The following DLG2 variants were observed in gnomAD, a reference collection of about 807,000 sequenced individuals.
DLG2 encodes the protein discs large MAGUK scaffold protein 2.
Under a neutral mutation model 132.5 loss-of-function variants are expected in DLG2, and 45 were observed. The observed-to-expected ratio is 0.34, with a 90% CI of 0.27 to 0.44. The LOEUF is 0.44. DLG2 is among the 20% of genes least tolerant of loss of function. The pLI is 1.00. For missense variants in DLG2, 1,045 were observed against 1,196.9 expected, an observed-to-expected ratio of 0.87 and a Z score of 1.87; for synonymous variants, 424 against 419.6, an observed-to-expected ratio of 1.01 and a Z score of -0.13.
intron 19 of DLG2, among the ~76,000 whole-genome samples, chr11:83,564,776 C>T (rs112538298): frequency 0.01 from 1,528 of 152,262 alleles, 20 homozygotes; most frequent in African/African-American, 0.035. Flanking sequence ...AATGCCTCCC[C>T]ATTCGTCATC....
At chr11:85,241,385 T>C (rs2075870595) in intron 4 of DLG2, among the ~76,000 whole-genome samples, 1 of 151,944 alleles carries the variant, frequency 6.6e-6, no homozygotes, top group Non-Finnish European at 1.5e-5. Context: ...TAATTTCTTT[T>C]TTCTTGTTTT....
chr11:84,587,214 T>C (rs372846287), intron 6 of DLG2, among the ~76,000 whole-genome samples: 12 of 152,280 alleles, frequency 7.9e-5, no homozygotes, highest in East Asian at 7.7e-4. Context: ...AGCCAGAAAA[T>C]CCCAAATTTA....
intron 11 of DLG2, among the ~76,000 whole-genome samples, chr11:84,038,691 T>C (rs1168730978): frequency 6.6e-6 from 1 of 152,080 alleles, no homozygotes; most frequent in African/African-American, 2.4e-5. Flanking sequence ...AGTCTGTTAG[T>C]CTGTTCTCAC....
intron 8 of DLG2, among the ~76,000 whole-genome samples, chr11:84,238,025 C>A (rs2097180179): frequency 2.6e-5 from 3 of 114,050 alleles, no homozygotes; most frequent in African/African-American, 7.0e-5. Flanking sequence ...GCCCGGGCGA[C>A]AGGGCAAGAC....
At chr11:84,621,914 C>T (rs775041252) in intron 6 of DLG2, among the ~76,000 whole-genome samples, 1 of 152,116 alleles carries the variant, frequency 6.6e-6, no homozygotes, top group East Asian at 1.9e-4. Context: ...ATTCTACCTA[C>T]CCAGGACAAA....
intron 7 of DLG2, among the ~76,000 whole-genome samples, chr11:84,400,108 T>C (rs1049775752): frequency 1.3e-5 from 2 of 152,162 alleles, no homozygotes; most frequent in African/African-American, 4.8e-5. Flanking sequence ...AAGGAGCTTA[T>C]AAATGGCTTG....
intron 6 of DLG2, among the ~76,000 whole-genome samples, chr11:84,555,634 T>C (rs1176084487): frequency 2.0e-5 from 3 of 152,070 alleles, no homozygotes; most frequent in African/African-American, 7.2e-5. Flanking sequence ...AAACAGAAAG[T>C]AAAATGGTAG....
intron 3 of DLG2, among the ~76,000 whole-genome samples, chr11:85,458,749 T>C (rs1192886839): frequency 1.3e-5 from 2 of 152,254 alleles, no homozygotes; most frequent in Non-Finnish European, 2.9e-5. Context: ...CATAGTGGCC[T>C]GTAGGCAGCC....
At chr11:85,468,660 C>A (rs2092884228) in intron 3 of DLG2, among the ~76,000 whole-genome samples, 1 of 152,150 alleles carries the variant, frequency 6.6e-6, no homozygotes, top group Non-Finnish European at 1.5e-5. Flanking sequence ...AGTTTGATTG[C>A]ACTGTGGTCT....
chr11:83,987,125 A>G (rs1269287469), intron 11 of DLG2, among the ~76,000 whole-genome samples: 2 of 152,096 alleles, frequency 1.3e-5, no homozygotes, highest in East Asian at 3.9e-4. Flanking sequence ...TTAGACATGA[A>G]GTGCAACTTA....
chr11:84,423,078 A>G (rs2098955770), intron 7 of DLG2, among the ~76,000 whole-genome samples: 1 of 152,122 alleles, frequency 6.6e-6, no homozygotes, highest in African/African-American at 2.4e-5. Flanking sequence ...TTTTATGGCA[A>G]GGTCAAATGG....
intron 17 of DLG2, among the ~76,000 whole-genome samples, chr11:83,794,704 T>G (rs533796654): frequency 6.6e-6 from 1 of 152,312 alleles, no homozygotes; most frequent in African/African-American, 2.4e-5. Flanking sequence ...TTTTCCCATT[T>G]TACTGATAAG....
intron 10 of DLG2, among the ~76,000 whole-genome samples, chr11:84,097,929 C>T (rs2097187971): frequency 6.6e-6 from 1 of 151,582 alleles, no homozygotes; most frequent in South Asian, 2.1e-4. Context: ...TTATTTCCCA[C>T]AATTAAGTTC....
chr11:84,313,380 C>G (rs1411925533), intron 7 of DLG2, among the ~76,000 whole-genome samples: 1 of 151,980 alleles, frequency 6.6e-6, no homozygotes, highest in Non-Finnish European at 1.5e-5. Context: ...CTCCCAAGTG[C>G]TGGGATTACA....
chr11:83,985,061 G>T (rs535636299), intron 11 of DLG2, among the ~76,000 whole-genome samples: 2 of 152,114 alleles, frequency 1.3e-5, no homozygotes, highest in Admixed American at 1.3e-4. Context: ...GATAATGCAA[G>T]CAATTTTTGG....
rs1042161927 is a variant in DLG2 at position 84,624,888 on chromosome 11, C to T, written c.358-90157G>A. Among the ~76,000 whole-genome samples the T allele has an allele frequency of 7.5e-4, 42 of 55,690 alleles. No homozygotes were observed. In the African/African-American group the frequency reaches 0.011, roughly 14 times the overall value. The allele number at this position is 55,690 out of a possible 152,430, so 36.5% of individuals were successfully genotyped here. ...TTTTTTTTTTTTTGAGACGGAGTCT[C>T]GCTCTGTCGCCCAGGCTGGAGTGCA... On this transcript the variant is annotated intron_variant, in intron 6 of 27. Transcript: ENST00000376104.
At chr11:85,336,194 C>T (rs77472896) in intron 3 of DLG2, 2,645 of 152,924 alleles carry the variant, frequency 0.017, 36 homozygotes, top group Middle Eastern at 0.034. Flanking sequence ...CATGCCAAGA[C>T]TGTCCCAGTC....
chr11:84,464,676 A>G (rs370643426), intron 7 of DLG2, among the ~76,000 whole-genome samples: 1 of 151,158 alleles, frequency 6.6e-6, no homozygotes, highest in African/African-American at 2.4e-5. Flanking sequence ...TGCTCAATAA[A>G]TGTTAACTAT....
chr11:85,063,976 TA>T (rs2064488708), intron 6 of DLG2, among the ~76,000 whole-genome samples: 1 of 151,782 alleles, frequency 6.6e-6, no homozygotes, highest in African/African-American at 2.4e-5. Flanking sequence ...CAGGATCCCA[TA>T]ATTTAGTTGA....
Sources: gnomAD v4.1 joint callset for allele counts (sites outside exome capture counted in the v4.1 genomes callset) on GRCh38, gnomAD v4.1.1 for gene constraint, MANE v1.5 for transcripts, NCBI Gene and HGNC (gene_info 2026-07-23, HGNC 2026-07-21) for gene names.